The following EXT2 variants were observed in gnomAD, a reference collection of about 807,000 sequenced individuals.
EXT2 encodes the protein exostosin glycosyltransferase 2, also known as exostosin-2.
A neutral mutation model predicts 81.6 loss-of-function variants in EXT2; 53 were observed. The observed-to-expected ratio is 0.65, with a 90% CI of 0.52 to 0.82. The LOEUF (loss-of-function observed/expected upper bound fraction) is 0.82, where lower values mean the gene tolerates loss of function less well. Among genes scored for constraint, EXT2 ranks in the 40% least tolerant of loss-of-function variants. EXT2 has a pLI of 0.00. For synonymous variants in EXT2, 320 were observed against 340.0 expected (o/e 0.94, Z 0.65); for missense variants, 774 against 910.2 (o/e 0.85, Z 1.93).
chr11:44,207,423 C>T (rs1452388753), intron 10 of EXT2, among the ~76,000 whole-genome samples: 2 of 152,214 alleles, frequency 1.3e-5, no homozygotes, highest in Admixed American at 6.5e-5. Flanking sequence ...TAGGGAGAAA[C>T]ATTCCCTATC....
chr11:44,174,219 T>C (rs868684786), intron 8 of EXT2, among the ~76,000 whole-genome samples: 104 of 152,300 alleles, frequency 6.8e-4, no homozygotes, highest in African/African-American at 2.5e-3. Flanking sequence ...TGTTATCACA[T>C]TGCACTTTTA....
intron 13 of EXT2, among the ~76,000 whole-genome samples, chr11:44,238,256 C>T (rs1387098227): frequency 1.3e-5 from 2 of 152,110 alleles, no homozygotes; most frequent in African/African-American, 4.8e-5. Flanking sequence ...AATCATGGCT[C>T]ACTACAACCT....
chr11:44,111,106 A>G (rs1353477018), intron 3 of EXT2, among the ~76,000 whole-genome samples: 1 of 152,234 alleles, frequency 6.6e-6, no homozygotes, highest in Non-Finnish European at 1.5e-5. Flanking sequence ...CTGCTTTAAG[A>G]TCTCCTAAAG....
intron 1 of EXT2, chr11:44,096,415 G>A (rs909148638): frequency 7.8e-6 from 10 of 1,289,034 alleles, no homozygotes; most frequent in Non-Finnish European, 1.1e-5. Context: ...AGATGGCCGG[G>A]GGCGTGTTAG....
chr11:44,183,197 G>A (rs568697481), intron 8 of EXT2, among the ~76,000 whole-genome samples: 4 of 152,080 alleles, frequency 2.6e-5, no homozygotes, highest in Admixed American at 1.3e-4. Flanking sequence ...CAGGTTTCTG[G>A]GAGTTTCTCC....
intron 10 of EXT2, among the ~76,000 whole-genome samples, chr11:44,225,071 G>T (rs1955824055): frequency 6.6e-6 from 1 of 152,086 alleles, no homozygotes; most frequent in African/African-American, 2.4e-5. Flanking sequence ...AAATAAAAGT[G>T]ATTTCATCTT....
At chr11:44,112,275 G>A (rs971829386) in intron 3 of EXT2, among the ~76,000 whole-genome samples, 3 of 152,192 alleles carry the variant, frequency 2.0e-5, no homozygotes, top group Non-Finnish European at 2.9e-5. Flanking sequence ...CAGAGGAGAC[G>A]TCCCAGAATC....
intron 7 of EXT2, among the ~76,000 whole-genome samples, chr11:44,158,628 ATTAAT>A (rs1216802989): frequency 6.6e-6 from 1 of 150,844 alleles, no homozygotes; most frequent in African/African-American, 2.4e-5. Flanking sequence ...TAATATTTAA[ATTAAT>A]TTAATTTTAA....
chr11:44,152,933 A>G (rs1954812226), intron 7 of EXT2, among the ~76,000 whole-genome samples: 1 of 152,198 alleles, frequency 6.6e-6, no homozygotes, highest in Non-Finnish European at 1.5e-5. Flanking sequence ...CTGTAGCTTT[A>G]TTTTAAGTTT....
intron 1 of EXT2, 51 bp downstream of exon 1, chr11:44,095,903 T>A (rs2134930524): frequency 3.9e-6 from 1 of 258,062 alleles, no homozygotes. Context: ...AAGCGAGGGC[T>A]CGGGCCTCCG....
At chr11:44,223,872 C>T (rs1349067914) in intron 10 of EXT2, among the ~76,000 whole-genome samples, 1 of 152,038 alleles carries the variant, frequency 6.6e-6, no homozygotes. Flanking sequence ...AGGATAGTCT[C>T]GATCTCCTGA....
chr11:44,247,818 C>T lies in EXT2; in HGVS notation c.*3531C>T, dbSNP rs767356712. 6.6e-6 allele frequency among the ~76,000 whole-genome samples: 1 copy of T among 152,226 alleles called. No individual in the cohort carries two copies. Among genetic ancestry groups the T allele is most frequent in the African/African-American group, 2.4e-5 (1 of 41,456 alleles). Reference sequence around the variant, plus strand: ...TAGCTTCCTTCTAGGATGATAGCCTCTGACAGGCACCATGCCAGGAGGAAA... The same window carrying T: ...TAGCTTCCTTCTAGGATGATAGCCTTTGACAGGCACCATGCCAGGAGGAAA... On this transcript the variant is annotated 3_prime_UTR_variant, in exon 14 of 14. Transcript: ENST00000533608.
At chr11:44,216,114 G>T (rs558103240) in intron 10 of EXT2, among the ~76,000 whole-genome samples, 2 of 151,896 alleles carry the variant, frequency 1.3e-5, no homozygotes, top group Admixed American at 1.3e-4. Context: ...CTGACCTCAT[G>T]ATCCACCCGC....
At position 44,199,540 on chromosome 11, in the gene EXT2, G is replaced by A. The variant is rs577801962; in HGVS notation, c.1495+1522G>A. Among the ~76,000 whole-genome samples the A allele has an allele frequency of 3.9e-5, 6 of 152,404 alleles. No individual in the cohort carries two copies. The South Asian group carries it at 1.2e-3, about 32-fold the overall frequency. ...CATGGAAAGGCCACCAGCTTTCAGA[G>A]AGACTCTCAGCCTGCTCCTGCAATC... On this transcript the variant is annotated intron_variant, in intron 9 of 13. Transcript: ENST00000533608.
chr11:44,243,913 C>T (rs1247787901), intron 13 of EXT2, among the ~76,000 whole-genome samples: 1 of 152,096 alleles, frequency 6.6e-6, no homozygotes, highest in Non-Finnish European at 1.5e-5. Context: ...TGTTCACGTT[C>T]TCCCACTGAA....
intron 13 of EXT2, among the ~76,000 whole-genome samples, chr11:44,241,388 T>A (rs957722633): frequency 2.6e-5 from 4 of 152,234 alleles, no homozygotes; most frequent in South Asian, 2.1e-4. Flanking sequence ...TATCCGAACT[T>A]CAATCTGTTC....
Position 44,244,417 on chromosome 11 carries a change from C to A in EXT2, c.*130C>A. On this transcript the variant is annotated 3_prime_UTR_variant, in exon 14 of 14. Transcript: ENST00000533608. Reference sequence around the variant, plus strand: ...ACCTACTTGGATCTTGGCATGCACCCACCTAACCCACTTTCTCAAGAACAA... The same window carrying A: ...ACCTACTTGGATCTTGGCATGCACCAACCTAACCCACTTTCTCAAGAACAA... The A allele has an allele frequency of 1.1e-6, 1 of 884,700 alleles. No individual in the cohort carries two copies. The highest frequency in any genetic ancestry group is 1.8e-6 in the Non-Finnish European group (1 of 548,082). The allele number at this position is 884,700 out of a possible 1,614,324, so 54.8% of individuals were successfully genotyped here.
intron 3 of EXT2, among the ~76,000 whole-genome samples, chr11:44,109,901 CACTG>C (rs1174044389): frequency 6.6e-6 from 1 of 152,166 alleles, no homozygotes; most frequent in African/African-American, 2.4e-5. Flanking sequence ...GCCCTTTCAT[CACTG>C]ACTGAAAGAT....
chr11:44,232,302 A>G (rs753360066), intron 10 of EXT2, 51 bp from the exon 11 acceptor site: 2 of 1,611,186 alleles, frequency 1.2e-6, no homozygotes, highest in East Asian at 2.2e-5. Flanking sequence ...TCAGCACTGA[A>G]TGGTTGCTGT....
Sources: allele counts gnomAD v4.1 joint callset (sites outside exome capture counted in the v4.1 genomes callset), GRCh38; gene constraint gnomAD v4.1.1; transcripts MANE v1.5; gene names NCBI Gene and HGNC (gene_info 2026-07-23, HGNC 2026-07-21).